Variants in CNTNAP2 observed in about 807,000 individuals in gnomAD.
CNTNAP2 encodes contactin associated protein 2, also known as contactin-associated protein-like 2.
CNTNAP2 carries 98 observed loss-of-function variants against 155.2 expected under a neutral mutation model. The observed-to-expected ratio is 0.63, with a 90% CI of 0.54 to 0.75. The LOEUF (loss-of-function observed/expected upper bound fraction) is 0.75, where lower values mean the gene tolerates loss of function less well. Among genes scored for constraint, CNTNAP2 ranks in the 30% least tolerant of loss-of-function variants. The probability of loss-of-function intolerance (pLI) is 0.00; values close to 1 mark genes in which losing one functional copy is unlikely to be tolerated. For missense variants in CNTNAP2, 1,727 were observed against 1,688.1 expected (o/e 1.02, Z -0.40); for synonymous variants, 651 against 631.2 (o/e 1.03, Z -0.47).
intron 1 of CNTNAP2, among the ~76,000 whole-genome samples, chr7:146,661,487 GTTGGACCT>G (rs1486136127): frequency 6.6e-6 from 1 of 151,982 alleles, no homozygotes; most frequent in Non-Finnish European, 1.5e-5. Flanking sequence ...TGTCTCTGTA[GTTGGACCT>G]TTTCTAGAAT....
rs548276937 is a variant in CNTNAP2 at position 148,411,280 on chromosome 7, T to C, written c.3796+1809T>C. 2.6e-5 allele frequency among the ~76,000 whole-genome samples: 4 copies of C among 152,316 alleles called. No individual in the cohort carries two copies. In the East Asian group the frequency reaches 5.8e-4, roughly 22 times the overall value. ...CGTAACTTTTATTTATTATTATTTT[T>C]TGAGACAGAGTCTCACTTTCTGTTG... On this transcript the variant is annotated intron_variant, in intron 23 of 23. Transcript: ENST00000361727.
intron 12 of CNTNAP2, among the ~76,000 whole-genome samples, chr7:147,577,704 T>C (rs750830031): frequency 7.9e-5 from 12 of 151,840 alleles, no homozygotes; most frequent in Non-Finnish European, 1.5e-5. Context: ...CCCCATTTTA[T>C]AGGCAAAGGC....
At chr7:147,061,641 C>T (rs73467070) in intron 4 of CNTNAP2, among the ~76,000 whole-genome samples, 262 of 152,166 alleles carry the variant, frequency 1.7e-3, no homozygotes, top group Non-Finnish European at 2.9e-3. Flanking sequence ...TCCTCCTCCA[C>T]GATTCAGTGA....
chr7:146,554,191 T>C (rs1270808340), intron 1 of CNTNAP2, among the ~76,000 whole-genome samples: 1 of 152,168 alleles, frequency 6.6e-6, no homozygotes, highest in Non-Finnish European at 1.5e-5. Flanking sequence ...TCTGACCTCC[T>C]GTCTCGGCAT....
At chr7:146,594,949 A>G (rs1245363471) in intron 1 of CNTNAP2, among the ~76,000 whole-genome samples, 1 of 152,140 alleles carries the variant, frequency 6.6e-6, no homozygotes, top group Non-Finnish European at 1.5e-5. Flanking sequence ...GTGTAGTGAC[A>G]CATCATCATA....
intron 1 of CNTNAP2, among the ~76,000 whole-genome samples, chr7:146,543,119 T>C (rs1317102963): frequency 6.6e-6 from 1 of 151,920 alleles, no homozygotes; most frequent in African/African-American, 2.4e-5. Context: ...ATTACCCAAA[T>C]GCAACCATTG....
chr7:148,310,110 G>A (rs887978640), intron 21 of CNTNAP2, among the ~76,000 whole-genome samples: 2 of 151,910 alleles, frequency 1.3e-5, no homozygotes, highest in Admixed American at 6.6e-5. Flanking sequence ...AAAACTATAC[G>A]GAATAAGAGA....
chr7:147,643,015 G>A (rs1257740365), intron 13 of CNTNAP2, among the ~76,000 whole-genome samples: 1 of 152,154 alleles, frequency 6.6e-6, no homozygotes, highest in Non-Finnish European at 1.5e-5. Flanking sequence ...TCAAAATGTG[G>A]ATTGAATGGC....
At chr7:147,914,844 G>A (rs1800132180) in intron 14 of CNTNAP2, among the ~76,000 whole-genome samples, 1 of 152,154 alleles carries the variant, frequency 6.6e-6, no homozygotes, top group Non-Finnish European at 1.5e-5. Flanking sequence ...GAGCCACTGT[G>A]CCCAGCCTGG....
At chr7:146,971,020 A>G (rs1022526745) in intron 3 of CNTNAP2, among the ~76,000 whole-genome samples, 1 of 152,140 alleles carries the variant, frequency 6.6e-6, no homozygotes, top group African/African-American at 2.4e-5. Flanking sequence ...ATGAGAACAC[A>G]TGGACACAGG....
chr7:146,837,677 C>T (rs994583095), intron 2 of CNTNAP2, among the ~76,000 whole-genome samples: 3 of 152,080 alleles, frequency 2.0e-5, no homozygotes, highest in African/African-American at 4.8e-5. Context: ...ATGTTTATGA[C>T]TTTCCTTAAT....
intron 15 of CNTNAP2, among the ~76,000 whole-genome samples, chr7:148,081,798 G>A (rs192901430): frequency 1.6e-4 from 24 of 152,018 alleles, no homozygotes; most frequent in African/African-American, 4.3e-4. Context: ...AATTTTTCCC[G>A]AGCATATGAT....
intron 15 of CNTNAP2, among the ~76,000 whole-genome samples, chr7:148,051,813 G>A (rs181860534): frequency 6.6e-6 from 1 of 152,296 alleles, no homozygotes; most frequent in Admixed American, 6.5e-5. Context: ...GATACTAAAA[G>A]CAATTCAGTA....
chr7:146,497,681 T>C (rs937086865), intron 1 of CNTNAP2, among the ~76,000 whole-genome samples: 5 of 151,750 alleles, frequency 3.3e-5, no homozygotes, highest in South Asian at 4.1e-4. Flanking sequence ...TTGATTCTTA[T>C]TGAATATTTT....
intron 9 of CNTNAP2, among the ~76,000 whole-genome samples, chr7:147,385,665 G>C (rs1042519224): frequency 1.3e-5 from 2 of 152,212 alleles, no homozygotes; most frequent in Non-Finnish European, 2.9e-5. Flanking sequence ...CTCTGCCCCT[G>C]TGGCTTTGCA....
chr7:148,036,872 C>T (rs1563176060), intron 15 of CNTNAP2, among the ~76,000 whole-genome samples: 1 of 152,066 alleles, frequency 6.6e-6, no homozygotes, highest in Admixed American at 6.5e-5. Context: ...ATATAGAACA[C>T]ATAAAGCCAA....
chr7:148,367,416 A>G (rs1457418125), intron 21 of CNTNAP2, among the ~76,000 whole-genome samples: 1 of 152,202 alleles, frequency 6.6e-6, no homozygotes, highest in East Asian at 1.9e-4. Context: ...ATATGTTAAT[A>G]CATAATATCA....
intron 13 of CNTNAP2, among the ~76,000 whole-genome samples, chr7:147,788,118 T>C (rs1007917122): frequency 1.3e-5 from 2 of 152,194 alleles, no homozygotes; most frequent in Non-Finnish European, 2.9e-5. Flanking sequence ...CAGAGGTTAT[T>C]AACTCTTGTT....
intron 3 of CNTNAP2, among the ~76,000 whole-genome samples, chr7:146,966,964 G>T (rs1022112283): frequency 5.9e-5 from 9 of 152,164 alleles, no homozygotes; most frequent in African/African-American, 1.7e-4. Flanking sequence ...GACACAGGCA[G>T]CCAAAAGGAA....
Sources: allele counts gnomAD v4.1 joint callset (sites outside exome capture counted in the v4.1 genomes callset), GRCh38; gene constraint gnomAD v4.1.1; transcripts MANE v1.5; gene names NCBI Gene and HGNC (gene_info 2026-07-23, HGNC 2026-07-21).